Variants in APBB2 observed in about 807,000 individuals in gnomAD.
APBB2 encodes Fe65-like 1.
APBB2 carries 38 observed loss-of-function variants against 82.5 expected under a neutral mutation model. The ratio of observed to expected loss-of-function variants is 0.46; its 90% CI spans 0.36 to 0.60. The LOEUF (loss-of-function observed/expected upper bound fraction) is 0.60. Among genes scored for constraint, APBB2 ranks in the 20% least tolerant of loss-of-function variants. The pLI is 0.00. For missense variants in APBB2, 772 were observed against 972.3 expected (o/e 0.79, Z 2.74); for synonymous variants, 341 against 368.2 (o/e 0.93, Z 0.85).
intron 12 of APBB2, among the ~76,000 whole-genome samples, chr4:40,846,292 T>G (rs1757615585): frequency 7.0e-6 from 1 of 143,752 alleles, no homozygotes; most frequent in African/African-American, 2.6e-5. Context: ...GTTCCTGACC[T>G]GTTTTGGATC....
chr4:41,000,069 ATGTGTGTGTGTGTGTGTGTGTG>A (rs779111046), intron 6 of APBB2, among the ~76,000 whole-genome samples: 2 of 130,636 alleles, frequency 1.5e-5, no homozygotes, highest in Non-Finnish European at 1.6e-5. Context: ...ATATGTGTGT[ATGTGTGTGTGTGTGTGTGTGTG>A]TGTGTGTGTG....
At chr4:41,041,052 T>C (rs550792726) in intron 4 of APBB2, among the ~76,000 whole-genome samples, 1 of 152,164 alleles carries the variant, frequency 6.6e-6, no homozygotes, top group African/African-American at 2.4e-5. Flanking sequence ...GGCTGATTTT[T>C]TGTATTTTTA....
rs1231892395 is a variant in APBB2 at position 40,944,910 on chromosome 4, T to C, written c.999A>G (p.Lys333=). The C allele has an allele frequency of 6.2e-7, 1 of 1,613,614 alleles. No individual in the cohort carries two copies. The highest frequency in any genetic ancestry group is 2.2e-5 in the East Asian group (1 of 44,882). ...ATGGCGTTACAGAACTAAGTGACCC[T>C]TTCCTAGAACCCTGGAGATCTGCTG... is the stretch of plus-strand genomic sequence containing the variant. ...SIPADLQGSR[K]GSLSSVTPSP... The change falls in exon 7 of 18, where the codon AAA becomes AAG. Residue 333 remains lysine, a synonymous_variant. Transcript: ENST00000508593.
chr4:40,923,360 G>A (rs922206580), intron 10 of APBB2, among the ~76,000 whole-genome samples: 2 of 152,214 alleles, frequency 1.3e-5, no homozygotes, highest in Non-Finnish European at 2.9e-5. Flanking sequence ...TAAGCTCTCA[G>A]GCAGCAAGCC....
chr4:41,045,765 C>T (rs1413772922), intron 4 of APBB2, among the ~76,000 whole-genome samples: 1 of 152,154 alleles, frequency 6.6e-6, no homozygotes. Context: ...GTCTTTCTCT[C>T]GCTCCCTGTA....
intron 4 of APBB2, among the ~76,000 whole-genome samples, chr4:41,057,248 C>T (rs1277242440): frequency 6.6e-6 from 1 of 152,106 alleles, no homozygotes; most frequent in East Asian, 1.9e-4. Context: ...GTCAGGAGTT[C>T]AAGACCAGCC....
At chr4:40,820,048 C>T (rs1362738339) in intron 17 of APBB2, among the ~76,000 whole-genome samples, 5 of 152,214 alleles carry the variant, frequency 3.3e-5, no homozygotes, top group Non-Finnish European at 7.3e-5. Flanking sequence ...TTCTGTGTCT[C>T]CCCCACTATA....
intron 2 of APBB2, among the ~76,000 whole-genome samples, chr4:41,130,528 G>A (rs1035318504): frequency 3.3e-5 from 5 of 152,172 alleles, no homozygotes; most frequent in Non-Finnish European, 7.3e-5. Context: ...TCTGCTATCA[G>A]AACTTGCAAT....
At chr4:40,932,744 C>T (rs911331536) in intron 10 of APBB2, among the ~76,000 whole-genome samples, 36 of 152,144 alleles carry the variant, frequency 2.4e-4, no homozygotes, top group African/African-American at 8.2e-4. Flanking sequence ...ATGAAAAATG[C>T]AAAACGAAAA....
At chr4:40,956,541 C>T (rs1227536253) in intron 6 of APBB2, among the ~76,000 whole-genome samples, 1 of 151,870 alleles carries the variant, frequency 6.6e-6, no homozygotes. Context: ...GAAATGTCTA[C>T]CACAGCCTCA....
chr4:40,970,762 C>G lies in APBB2; in HGVS notation c.836-25689G>C, dbSNP rs376848455. Among the ~76,000 whole-genome samples, 249 of 152,226 alleles carry G rather than the reference C, an allele frequency of 1.6e-3. 1 individual carries two copies. Among genetic ancestry groups the G allele is most frequent in the African/African-American group, 5.7e-3 (236 of 41,538 alleles). The stretch of plus-strand genomic sequence containing the variant: ...AGCAGGTCACGTTAGTTAAGGGTAA[C>G]CCACTGCCCTCGTTTCCTGGAACCT... On this transcript the variant is annotated intron_variant, in intron 6 of 17. Coordinates refer to ENST00000508593, the MANE Select transcript of APBB2 (RefSeq NM_004307.2).
intron 1 of APBB2, among the ~76,000 whole-genome samples, chr4:41,196,599 CTTTTTTTTTTTT>C: frequency 1.2e-4 from 12 of 100,350 alleles, no homozygotes; most frequent in Admixed American, 4.4e-4. Context: ...AAGCCCCCTG[CTTTTTTTTTTTT>C]TTTTTTTTTT....
At chr4:41,024,762 T>C (rs1199637774) in intron 5 of APBB2, among the ~76,000 whole-genome samples, 2 of 152,226 alleles carry the variant, frequency 1.3e-5, no homozygotes, top group Non-Finnish European at 2.9e-5. Flanking sequence ...ACAGTGAAGA[T>C]TATAAGACAT....
chr4:40,834,294 G>C (rs1753086963), intron 12 of APBB2, among the ~76,000 whole-genome samples: 1 of 152,122 alleles, frequency 6.6e-6, no homozygotes, highest in African/African-American at 2.4e-5. Context: ...CAAGAGATTT[G>C]TGCATTTCCC....
intron 1 of APBB2, among the ~76,000 whole-genome samples, chr4:41,198,782 G>T (rs1775974460): frequency 6.6e-6 from 1 of 152,168 alleles, no homozygotes; most frequent in Non-Finnish European, 1.5e-5. Context: ...AAGTCTTCAG[G>T]AGAGGACCCT....
At chr4:40,992,361 T>G (rs980751440) in intron 6 of APBB2, among the ~76,000 whole-genome samples, 7 of 139,402 alleles carry the variant, frequency 5.0e-5, no homozygotes, top group South Asian at 2.5e-4. Context: ...TTGGTAGAGA[T>G]GGGGGGGGGT....
intron 2 of APBB2, among the ~76,000 whole-genome samples, chr4:41,129,693 A>G (rs1243284830): frequency 6.6e-6 from 1 of 152,088 alleles, no homozygotes; most frequent in Non-Finnish European, 1.5e-5. Context: ...CCTTCAACAA[A>G]TATTTATCAA....
At chr4:41,171,821 C>T (rs763431114) in intron 1 of APBB2, among the ~76,000 whole-genome samples, 3 of 151,972 alleles carry the variant, frequency 2.0e-5, no homozygotes, top group Non-Finnish European at 4.4e-5. Context: ...ATTAGCTGGG[C>T]GTGGTGGCAG....
intron 3 of APBB2, among the ~76,000 whole-genome samples, chr4:41,086,570 A>G (rs1266868306): frequency 6.6e-6 from 1 of 152,210 alleles, no homozygotes; most frequent in Non-Finnish European, 1.5e-5. Flanking sequence ...AAAACACATC[A>G]TCATCTCATT....
Sources: gnomAD v4.1 joint callset for allele counts (sites outside exome capture counted in the v4.1 genomes callset) on GRCh38, gnomAD v4.1.1 for gene constraint, MANE v1.5 for transcripts, NCBI Gene and HGNC (gene_info 2026-07-23, HGNC 2026-07-21) for gene names.